The following DLGAP1 variants were observed in gnomAD, a reference collection of about 807,000 sequenced individuals.
DLGAP1 encodes the protein DLG associated protein 1.
In DLGAP1, 11 loss-of-function variants were observed where a neutral mutation model predicts 90.8. The ratio of observed to expected loss-of-function variants is 0.12; its 90% CI spans 0.08 to 0.20. DLGAP1 has a LOEUF of 0.20. Ranked by LOEUF, DLGAP1 falls within the 10% of genes least tolerant of loss-of-function variation. The pLI is 1.00. For synonymous variants in DLGAP1, 558 were observed against 540.7 expected, an observed-to-expected ratio of 1.03 and a Z score of -0.44; for missense variants, 1,050 against 1,333.8, an observed-to-expected ratio of 0.79 and a Z score of 3.31.
chr18:3,600,115 G>T (rs141106271), intron 7 of DLGAP1, among the ~76,000 whole-genome samples: 1 of 152,238 alleles, frequency 6.6e-6, no homozygotes, highest in African/African-American at 2.4e-5. Context: ...TAAAGACAGG[G>T]TCTCACTATG....
At chr18:3,583,758 G>C (rs2055711118) in intron 7 of DLGAP1, among the ~76,000 whole-genome samples, 3 of 152,170 alleles carry the variant, frequency 2.0e-5, no homozygotes, top group Non-Finnish European at 2.9e-5. Flanking sequence ...GACGAGCCTG[G>C]TCAACATGGT....
At chr18:4,130,959 TA>T (rs1176541314) in intron 2 of DLGAP1, among the ~76,000 whole-genome samples, 3 of 151,998 alleles carry the variant, frequency 2.0e-5, no homozygotes, top group Non-Finnish European at 2.9e-5. Flanking sequence ...GACAAGGATT[TA>T]CCCAAGAAGG....
chr18:3,656,011 G>A, intron 7 of DLGAP1: 5 of 1,413,068 alleles, frequency 3.5e-6, no homozygotes, highest in Non-Finnish European at 4.8e-6. Context: ...TGCCACAGAA[G>A]CTTTTTAGCT....
intron 7 of DLGAP1, among the ~76,000 whole-genome samples, chr18:3,600,438 G>A (rs2056830298): frequency 2.0e-5 from 3 of 151,854 alleles, no homozygotes; most frequent in Admixed American, 6.6e-5. Flanking sequence ...GTTTCACCAT[G>A]TTGGCCAGGC....
chr18:3,774,254 A>G (rs2064834201), intron 5 of DLGAP1: 1 of 152,246 alleles, frequency 6.6e-6, no homozygotes, highest in Admixed American at 6.5e-5. Context: ...CAGGTACCCA[A>G]AGCCTTTTCT....
chr18:4,032,092 G>T (rs1288731675), intron 2 of DLGAP1, among the ~76,000 whole-genome samples: 1 of 152,198 alleles, frequency 6.6e-6, no homozygotes, highest in African/African-American at 2.4e-5. Flanking sequence ...TGGGGCATGA[G>T]TGATATTAAC....
chr18:4,328,566 A>G (rs1486993340), intron 1 of DLGAP1, among the ~76,000 whole-genome samples: 2 of 151,992 alleles, frequency 1.3e-5, no homozygotes, highest in Non-Finnish European at 2.9e-5. Context: ...AGAGATACCT[A>G]GTAGTGAGAT....
intron 7 of DLGAP1, among the ~76,000 whole-genome samples, chr18:3,652,823 A>G (rs2059361424): frequency 6.6e-6 from 1 of 152,226 alleles, no homozygotes; most frequent in South Asian, 2.1e-4. Flanking sequence ...ACAAGTCTCA[A>G]CACAGAACAC....
intron 8 of DLGAP1, among the ~76,000 whole-genome samples, chr18:3,568,947 A>C (rs1019163125): frequency 1.6e-4 from 25 of 151,724 alleles, no homozygotes; most frequent in African/African-American, 6.0e-4. Flanking sequence ...CGGCCTCCCA[A>C]AGTGCTGGGA....
chr18:3,674,571 G>T (rs561986206), intron 7 of DLGAP1, among the ~76,000 whole-genome samples: 12 of 152,088 alleles, frequency 7.9e-5, no homozygotes, highest in African/African-American at 2.4e-4. Context: ...AGCTAGCCAT[G>T]ATTGTGCCAT....
chr18:3,660,524 C>A lies in DLGAP1; in HGVS notation c.1591+68611G>T, dbSNP rs1838100180. On this transcript the variant is annotated intron_variant, in intron 7 of 12. Transcript: ENST00000315677. The surrounding 1 kb of genome is among the most constrained non-coding windows in gnomAD (Gnocchi z 4.2). ...AATATTTACTGAATGAAAAGGTGAT[C>A]ATTCCCGAGTATCCTCAAGGAGGAT... is the stretch of plus-strand genomic sequence containing the variant. Among the ~76,000 whole-genome samples the A allele has an allele frequency of 6.6e-6, 1 of 152,220 alleles. No individual in the cohort carries two copies. Among genetic ancestry groups the A allele is most frequent in the African/African-American group, 2.4e-5 (1 of 41,452 alleles).
At chr18:3,761,578 CTTT>C (rs540575856) in intron 5 of DLGAP1, among the ~76,000 whole-genome samples, 5 of 135,344 alleles carry the variant, frequency 3.7e-5, no homozygotes, top group Admixed American at 7.4e-5. Flanking sequence ...TTCTTTCTTT[CTTT>C]TTTTTTTTTT....
chr18:3,762,798 T>C (rs113737287), intron 5 of DLGAP1, among the ~76,000 whole-genome samples: 2 of 152,194 alleles, frequency 1.3e-5, no homozygotes, highest in South Asian at 2.1e-4. Context: ...ACTCCTCTTA[T>C]GTCAACATTT....
chr18:3,997,027 T>C (rs1052089477), intron 3 of DLGAP1, among the ~76,000 whole-genome samples: 1 of 34,020 alleles, frequency 2.9e-5, no homozygotes, highest in Non-Finnish European at 5.8e-5. Context: ...GTTGCAGAGT[T>C]TTCTTTTTTT....
rs187562032 is a variant in DLGAP1 at position 3,688,365 on chromosome 18, C to T, written c.1591+40770G>A. Among the ~76,000 whole-genome samples the T allele has an allele frequency of 4.6e-5, 7 of 151,996 alleles. No individual in the cohort carries two copies. In the East Asian group the frequency reaches 1.4e-3, roughly 29 times the overall value. On this transcript the variant is annotated intron_variant, in intron 7 of 12. Transcript: ENST00000315677. ...TGTGAGATACAAAGTAGAAATCCAG[C>T]CCTCTAAAGGGAAGCAGAGGGCAGT...
chr18:4,217,887 T>G (rs2077990734), intron 1 of DLGAP1, among the ~76,000 whole-genome samples: 1 of 151,952 alleles, frequency 6.6e-6, no homozygotes, highest in African/African-American at 2.4e-5. Context: ...TATAAAAAGG[T>G]TTTTTCTGAA....
At chr18:3,610,712 G>A (rs1016702350) in intron 7 of DLGAP1, among the ~76,000 whole-genome samples, 6 of 152,040 alleles carry the variant, frequency 3.9e-5, no homozygotes, top group Admixed American at 1.3e-4. Context: ...TGTGGCACAT[G>A]CCTGTAATCC....
intron 10 of DLGAP1, among the ~76,000 whole-genome samples, chr18:3,516,536 G>A (rs1397646600): frequency 6.6e-6 from 1 of 152,130 alleles, no homozygotes; most frequent in African/African-American, 2.4e-5. Flanking sequence ...CGTAGGCTGT[G>A]GAATGGATGT....
chr18:4,281,056 A>G (rs2079538593), intron 1 of DLGAP1: 1 of 152,226 alleles, frequency 6.6e-6, no homozygotes. Context: ...TTTTGGAACA[A>G]ACTATCAGCC....
Sources: gnomAD v4.1 joint callset for allele counts (sites outside exome capture counted in the v4.1 genomes callset) on GRCh38, gnomAD v4.1.1 for gene constraint, Gnocchi (gnomAD v3.1) non-coding constraint, MANE v1.5 for transcripts, NCBI Gene and HGNC (gene_info 2026-07-23, HGNC 2026-07-21) for gene names.